Variants in GPC1 observed in about 807,000 individuals in gnomAD.
GPC1 encodes glypican-1.
Under a neutral mutation model 51.5 loss-of-function variants are expected in GPC1, and 26 were observed. The ratio of observed to expected loss-of-function variants is 0.50; its 90% CI spans 0.37 to 0.70. GPC1 has a LOEUF of 0.70. Among genes scored for constraint, GPC1 ranks in the 30% least tolerant of loss-of-function variants. GPC1 has a pLI of 0.00. For missense variants in GPC1, 775 were observed against 800.5 expected (o/e 0.97, Z 0.38); for synonymous variants, 380 against 348.3 (o/e 1.09, Z -1.01).
chr2:240,447,892 G>T (rs74683613), intron 1 of GPC1, among the ~76,000 whole-genome samples: 1 of 152,170 alleles, frequency 6.6e-6, no homozygotes, highest in Admixed American at 6.5e-5. Flanking sequence ...AGGAGGCCCC[G>T]TCATTGTCAC....
At chr2:240,450,540 G>T (rs767030798) in intron 1 of GPC1, 8 of 463,170 alleles carry the variant, frequency 1.7e-5, no homozygotes, top group Non-Finnish European at 3.6e-5. Flanking sequence ...TTAACCCCCT[G>T]CGAGGCCCAT....
chr2:240,437,786 A>G (rs2073993462), intron 1 of GPC1, among the ~76,000 whole-genome samples: 1 of 152,160 alleles, frequency 6.6e-6, no homozygotes, highest in South Asian at 2.1e-4. Flanking sequence ...ATTAGCCCCC[A>G]GCCCTTCTTA....
rs773544921 is a variant in GPC1 at position 240,466,239 on chromosome 2, G to T, written c.1626G>T (p.Leu542=). The change falls in exon 9 of 9, where the codon CTG becomes CTT. Residue 542 remains leucine, a synonymous_variant. Transcript: ENST00000264039. ...ASCPQPPTFL[L]PLLLFLALTV... ...GCCCCCAGCCCCCGACCTTCCTCCT[G>T]CCCCTCCTCCTCTTCCTGGCCCTTA... 1.7e-5 allele frequency: 28 copies of T among 1,611,948 alleles called. No individual in the cohort carries two copies. Among genetic ancestry groups the T allele is most frequent in the Non-Finnish European group, 2.3e-5 (27 of 1,178,610 alleles).
At chr2:240,463,026 G>A (rs1181158051) in intron 3 of GPC1, among the ~76,000 whole-genome samples, 1 of 152,184 alleles carries the variant, frequency 6.6e-6, no homozygotes, top group Non-Finnish European at 1.5e-5. Flanking sequence ...GACATAGGGA[G>A]GGCGTCAGCC....
intron 1 of GPC1, chr2:240,456,144 C>G (rs1004867627): frequency 3.9e-6 from 1 of 256,856 alleles, no homozygotes; most frequent in Non-Finnish European, 7.8e-6. Context: ...GCTGAGGGGT[C>G]GGCGGGGGAG....
At chr2:240,456,185 G>T (rs1026054993) in intron 1 of GPC1, 6 of 260,074 alleles carry the variant, frequency 2.3e-5, no homozygotes, top group Non-Finnish European at 3.8e-5. Flanking sequence ...GCGCGGCCGT[G>T]AGGGGGTGTG....
chr2:240,465,488 C>T lies in GPC1; in HGVS notation c.1284C>T (p.Val428=), dbSNP rs2074253047. Residue 428 remains valine, a synonymous_variant, in exon 8 of 9, where the codon GTC becomes GTT. Transcript: ENST00000264039. ...TTTCCCCCAGGTACCTCCCCGAGGT[C>T]ATGGGTGACGGCCTGGCCAACCAGA... ...GMARGRYLPE[V]MGDGLANQIN... is the part of the protein sequence containing the mutation. 6.2e-7 allele frequency: 1 copy of T among 1,612,958 alleles called. No individual in the cohort carries two copies. Among genetic ancestry groups the T allele is most frequent in the African/African-American group, 1.3e-5 (1 of 74,938 alleles).
chr2:240,455,328 A>G (rs756184905), intron 1 of GPC1, among the ~76,000 whole-genome samples: 7 of 152,204 alleles, frequency 4.6e-5, no homozygotes, highest in African/African-American at 1.7e-4. Flanking sequence ...TGGGTCGGCT[A>G]CAGCAACTTC....
chr2:240,453,605 G>GC (rs1157608834), intron 1 of GPC1, among the ~76,000 whole-genome samples: 1 of 121,912 alleles, frequency 8.2e-6, no homozygotes, highest in African/African-American at 3.1e-5. Flanking sequence ...CAATCGCGGC[G>GC]CCCCCCTCCC....
rs1360487975 is a variant in GPC1, at chr2:240,467,271, A to AC, written c.*985dup. 1 of 152,226 alleles carries AC rather than the reference A, an allele frequency of 6.6e-6. No homozygotes were observed. The highest frequency in any genetic ancestry group is 1.5e-5 in the Non-Finnish European group (1 of 68,104). 9.4% of individuals were successfully genotyped at this position (152,226 alleles called of 1,614,324 possible). ...CACAGGGATGCTGGTGGCTGGTGAGACCCCGCACTGCAGACGGGAATGCCT... is the reference window on the plus strand; with the variant it reads ...CACAGGGATGCTGGTGGCTGGTGAGACCCCCGCACTGCAGACGGGAATGCCT... On this transcript the variant is annotated 3_prime_UTR_variant, in exon 9 of 9. Coordinates refer to ENST00000264039, the MANE Select transcript of GPC1 (RefSeq NM_002081.3).
chr2:240,455,176 C>T (rs189049077), intron 1 of GPC1, among the ~76,000 whole-genome samples: 3 of 152,208 alleles, frequency 2.0e-5, no homozygotes, highest in East Asian at 3.9e-4. Flanking sequence ...GAGCAGGAGC[C>T]TGGGAACTGG....
At chr2:240,449,857 C>G (rs1420999697) in intron 1 of GPC1, 1 of 470,586 alleles carries the variant, frequency 2.1e-6, no homozygotes, top group Admixed American at 2.3e-5. Context: ...CAAGGTTCCT[C>G]CACGCCGGAG....
At chr2:240,444,192 G>C (rs1253420775) in intron 1 of GPC1, among the ~76,000 whole-genome samples, 1 of 152,166 alleles carries the variant, frequency 6.6e-6, no homozygotes, top group Non-Finnish European at 1.5e-5. Flanking sequence ...GCCACGCCCG[G>C]TGGGTCTCCT....
chr2:240,442,748 G>A (rs1012184311), intron 1 of GPC1, among the ~76,000 whole-genome samples: 9 of 152,208 alleles, frequency 5.9e-5, no homozygotes, highest in Non-Finnish European at 1.3e-4. Flanking sequence ...AGCCCAGCCC[G>A]GCACACCTAC....
rs1457177374 is a variant in GPC1 at position 240,465,205 on chromosome 2, A to C, written c.1263A>C (p.Arg421Ser). Reference protein sequence around the residue: ...SDDRCWNGMARGRYLPEVMGD... With the variant: ...SDDRCWNGMASGRYLPEVMGD... ...ACCGCTGCTGGAACGGGATGGCCAGAGGCCGGTAGGTGCCCACCTGGCTGG... is the reference window on the plus strand; with the variant it reads ...ACCGCTGCTGGAACGGGATGGCCAGCGGCCGGTAGGTGCCCACCTGGCTGG... The change falls in exon 7 of 9, where the codon AGA (arginine) becomes AGC (serine). Residue 421 changes from arginine (R) to serine (S), a missense_variant. Transcript: ENST00000264039. 6.2e-7 allele frequency: 1 copy of C among 1,605,874 alleles called. No individual in the cohort carries two copies. The highest frequency in any genetic ancestry group is 8.5e-7 in the Non-Finnish European group (1 of 1,175,968).
chr2:240,468,004 C>G lies in GPC1; in HGVS notation c.*1714C>G, dbSNP rs946947092. On this transcript the variant is annotated 3_prime_UTR_variant, in exon 9 of 9. Transcript: ENST00000264039. ...TGCTGTGTCCTTCCTCCACAAGGTC[C>G]CCCCACCGCTCAGTGTCAGCGGGTG... The G allele has an allele frequency of 6.6e-6, 1 of 152,304 alleles. No homozygotes were observed. The highest frequency in any genetic ancestry group is 2.4e-5 in the African/African-American group (1 of 41,446). The allele number at this position is 152,304 out of a possible 1,614,324, so 9.4% of individuals were successfully genotyped here.
intron 1 of GPC1, chr2:240,451,320 C>A (rs2074098056): frequency 2.2e-6 from 1 of 463,762 alleles, no homozygotes; most frequent in Non-Finnish European, 4.5e-6. Flanking sequence ...TTCTGCGTTT[C>A]TAGCGTGCCC....
chr2:240,456,784 G>C, intron 1 of GPC1: 2 of 361,222 alleles, frequency 5.5e-6, no homozygotes, highest in Non-Finnish European at 1.2e-5. Context: ...TGGGACTGGG[G>C]CAGAATCCCA....
chr2:240,463,472 C>T lies in GPC1; in HGVS notation c.843C>T (p.Ala281=). Residue 281 remains alanine, a synonymous_variant, in exon 4 of 9, where the codon GCC becomes GCT. Coordinates refer to ENST00000264039, the MANE Select transcript of GPC1 (RefSeq NM_002081.3). ...GAAATGTGCTCAAGGGCTGCCTTGC[C>T]AACCAGGCCGACCTGGACGCCGAGT... The part of the protein sequence containing the change: ...YCRNVLKGCL[A]NQADLDAEWR... 1 of 1,612,988 alleles carries T rather than the reference C, an allele frequency of 6.2e-7. No individual in the cohort carries two copies. Among genetic ancestry groups the T allele is most frequent in the African/African-American group, 1.3e-5 (1 of 75,054 alleles).
Sources: gnomAD v4.1 joint callset for allele counts (sites outside exome capture counted in the v4.1 genomes callset) on GRCh38, gnomAD v4.1.1 for gene constraint, MANE v1.5 for transcripts, NCBI Gene and HGNC (gene_info 2026-07-23, HGNC 2026-07-21) for gene names.